Variants in MUC4 observed in about 807,000 individuals in gnomAD.
MUC4 encodes the protein mucin 4, cell surface associated.
Under a neutral mutation model 257.9 loss-of-function variants are expected in MUC4, and 202 were observed. The ratio of observed to expected loss-of-function variants is 0.78; its 90% CI spans 0.70 to 0.88. The LOEUF (loss-of-function observed/expected upper bound fraction) is 0.88. MUC4 is among the 40% of genes least tolerant of loss of function. MUC4 has a pLI of 0.00. For missense variants in MUC4, 5,976 were observed against 6,513.7 expected (o/e 0.92, Z 2.84); for synonymous variants, 2,351 against 2,757.1 (o/e 0.85, Z 4.62).
intron 7 of MUC4, among the ~76,000 whole-genome samples, chr3:195,767,850 C>T (rs1721756422): frequency 1.5e-5 from 2 of 131,374 alleles, no homozygotes; most frequent in South Asian, 2.4e-4. Flanking sequence ...ACCACCATCG[C>T]CACCATCACC....
In MUC4 at chr3:195,762,815, C is replaced by T. The variant is rs567720716; in HGVS notation, c.14344+40G>A. The T allele has an allele frequency of 5.4e-6, 8 of 1,494,982 alleles. No individual in the cohort carries two copies. In the East Asian group the frequency reaches 7.4e-5, roughly 14 times the overall value. 92.6% of individuals were successfully genotyped at this position (1,494,982 alleles called of 1,614,324 possible). A position where few individuals can be genotyped will look rare whatever the true frequency, so the allele number is the denominator to read the frequency against. On this transcript the variant is annotated intron_variant, in intron 13 of 24. Transcript: ENST00000463781. ...GCGGCTTCCCGCCCACCTCGCTGCTCCCGGTGCGGGGAGGGGGCGGCCGGC... is the reference window on the plus strand; with the variant it reads ...GCGGCTTCCCGCCCACCTCGCTGCTTCCGGTGCGGGGAGGGGGCGGCCGGC...
At position 195,759,106 on chromosome 3, in the gene MUC4, C is replaced by G. The variant is rs776916595; in HGVS notation, c.14986+18G>C. The G allele has an allele frequency of 1.9e-6, 3 of 1,613,082 alleles. No individual in the cohort carries two copies. The African/African-American group carries it at 4.0e-5, about 22-fold the overall frequency. ...CTACCCACCTCCCCACTCTCCCCAG[C>G]CAGCCAAATAGTCCTACCAAAGAGC... On this transcript the variant is annotated intron_variant, in intron 17 of 24. Transcript: ENST00000463781.
chr3:195,781,205 C>A lies in MUC4; in HGVS notation c.10375G>T (p.Val3459Phe). 7.1e-7 allele frequency: 1 copy of A among 1,409,074 alleles called. No homozygotes were observed. The highest frequency in any genetic ancestry group is 9.5e-7 in the Non-Finnish European group (1 of 1,053,650). 87.3% of individuals were successfully genotyped at this position (1,409,074 alleles called of 1,614,324 possible). A position where few individuals can be genotyped will look rare whatever the true frequency, so the allele number is the denominator to read the frequency against. The stretch of plus-strand genomic sequence containing the variant: ...GTGGATGCTGAGGAAGTGTCGGTGA[C>A]AGGAAGAGGGGTGGTGTGACCTGTA... ...ASTGHTTPLP[V>F]TDTSSASTGD... Residue 3459 changes from valine to phenylalanine, a missense_variant, in exon 2 of 25, where the codon GTC becomes TTC. This residue lies in a region of MUC4 where 297 missense variants were observed against 240.9 expected (regional missense o/e 1.23). Coordinates refer to ENST00000463781, the MANE Select transcript of MUC4 (RefSeq NM_018406.7).
In MUC4 at chr3:195,781,798, T is replaced by C. The variant is rs1560325861; in HGVS notation, c.9782A>G (p.Asp3261Gly). The C allele has an allele frequency of 1.6e-6, 1 of 609,904 alleles. No individual in the cohort carries two copies. 37.8% of individuals were successfully genotyped at this position (609,904 alleles called of 1,614,324 possible). ...VTDTSSASTG[D>G]TTSLPVTDTS... is the part of the protein sequence containing the mutation. Reference sequence around the variant, plus strand: ...GTCGGTGACAGGAAGAGAGGTGGTGTCACCTGTGGATGCTGAGGAAGTGTC... The same window carrying C: ...GTCGGTGACAGGAAGAGAGGTGGTGCCACCTGTGGATGCTGAGGAAGTGTC... The change falls in exon 2 of 25, where the codon GAC becomes GGC. Residue 3261 changes from aspartate to glycine, a missense_variant. Around this residue, in one of 44 missense-constraint regions of MUC4, gnomAD observed 51 missense variants for 66.9 expected, o/e 0.76. Transcript: ENST00000463781.
chr3:195,808,397 G>C (rs1736262373), intron 1 of MUC4, among the ~76,000 whole-genome samples: 1 of 151,790 alleles, frequency 6.6e-6, no homozygotes, highest in Non-Finnish European at 1.5e-5. Context: ...TTTATTTTTA[G>C]TGGAGACAGG....
rs759517324 is a variant in MUC4, at chr3:195,782,438, A to T, written c.9142T>A (p.Ser3048Thr). 1 of 1,457,352 alleles carries T rather than the reference A, an allele frequency of 6.9e-7. No homozygotes were observed. Among genetic ancestry groups the T allele is most frequent in the African/African-American group, 1.7e-5 (1 of 58,380 alleles). The allele number at this position is 1,457,352 out of a possible 1,614,324, so 90.3% of individuals were successfully genotyped here. A position where few individuals can be genotyped will look rare whatever the true frequency, so the allele number is the denominator to read the frequency against. ...ATPLPVTDTS[S>T]ASTGHANPLH... ...GGGTTGGCGTGACCTGTGGATGCTG[A>T]GGAAGTGTCGGTGACAGGAAGCGGG... Residue 3048 changes from serine to threonine, a missense_variant, in exon 2 of 25, where the codon TCA becomes ACA. This residue lies in a region of MUC4 where 52 missense variants were observed against 102.2 expected (regional missense o/e 0.51). Coordinates refer to ENST00000463781, the MANE Select transcript of MUC4 (RefSeq NM_018406.7).
Position 195,747,008 on chromosome 3 carries a change from C to A in MUC4, c.*168G>T. 1 of 996,250 alleles carries A rather than the reference C, an allele frequency of 1.0e-6. No homozygotes were observed. Among genetic ancestry groups the A allele is most frequent in the African/African-American group, 1.6e-5 (1 of 62,230 alleles). 61.7% of individuals were successfully genotyped at this position (996,250 alleles called of 1,614,324 possible). ...ATGGCCTCCCCCTGTGCACCTGCGC[C>A]TATGGATAAGGTATAGTCTTGTCTT... On this transcript the variant is annotated 3_prime_UTR_variant, in exon 25 of 25. Coordinates refer to ENST00000463781, the MANE Select transcript of MUC4 (RefSeq NM_018406.7).
chr3:195,765,291 G>T lies in MUC4; in HGVS notation c.13777C>A (p.Arg4593=). ...CSWQQGRRDL[R]FQPVSIGRWG... is the part of the protein sequence containing the mutation. ...TCACCTATGCTGACGGGTTGGAATC[G>T]TAAGTCCCGTCGTCCCTGCTGCCAG... Residue 4593 remains arginine, a synonymous_variant, in exon 9 of 25, where the codon CGA becomes AGA. Transcript: ENST00000463781. 6.2e-7 allele frequency: 1 copy of T among 1,613,020 alleles called. No homozygotes were observed. Among genetic ancestry groups the T allele is most frequent in the Non-Finnish European group, 8.5e-7 (1 of 1,179,570 alleles).
At position 195,789,065 on chromosome 3, in the gene MUC4, G is replaced by A; in HGVS notation, c.2515C>T (p.His839Tyr). ...RFSSNPSRDS[H>Y]TTQSTTELLS... ...AATTCGGTTGTTGACTGGGTTGTGT[G>A]ACTGTCCCTGGAGGGGTTTGATGAA... The change falls in exon 2 of 25, where the codon CAC becomes TAC. Residue 839 changes from histidine to tyrosine, a missense_variant. By Grantham distance (83) the His-to-Tyr change is moderately conservative. This residue lies in a region of MUC4 where 1,583 missense variants were observed against 1,257.4 expected (regional missense o/e 1.26). Transcript: ENST00000463781. 6.2e-7 allele frequency: 1 copy of A among 1,613,724 alleles called. No homozygotes were observed. The highest frequency in any genetic ancestry group is 8.5e-7 in the Non-Finnish European group (1 of 1,179,792).
intron 9 of MUC4, 61 bp downstream of exon 9, chr3:195,765,209 C>T (rs1456307118): frequency 2.5e-6 from 4 of 1,582,592 alleles, no homozygotes; most frequent in East Asian, 2.3e-5. Flanking sequence ...TGGGGAGAGG[C>T]TGAGGGCGTG....
At chr3:195,808,815 G>A (rs923652359) in intron 1 of MUC4, among the ~76,000 whole-genome samples, 2 of 152,162 alleles carry the variant, frequency 1.3e-5, no homozygotes, top group Non-Finnish European at 2.9e-5. Context: ...GTTTCCCAGA[G>A]GGGCAGAGGG....
rs746140987 is a variant in MUC4 at position 195,760,986 on chromosome 3, C to T, written c.14746G>A (p.Asp4916Asn). 1 of 1,614,200 alleles carries T rather than the reference C, an allele frequency of 6.2e-7. No homozygotes were observed. The highest frequency in any genetic ancestry group is 8.5e-7 in the Non-Finnish European group (1 of 1,180,032). The change falls in exon 16 of 25, where the codon GAT (aspartate) becomes AAT (asparagine). Residue 4916 changes from aspartate to asparagine, a missense_variant. This residue lies in a region of MUC4 where 996 missense variants were observed against 1,137.3 expected (regional missense o/e 0.88). Transcript: ENST00000463781. ...AGGGTGTCATAGATGCATGAGCTAT[C>T]TCCGTCACAGTTGGAGATCAAATGT... ...AEHLISNCDG[D>N]SSCIYDTLAL... is the part of the protein sequence containing the mutation.
intron 7 of MUC4, among the ~76,000 whole-genome samples, chr3:195,767,518 A>ACCACCATCG (rs1720960376): frequency 1.5e-5 from 2 of 137,144 alleles, no homozygotes; most frequent in Admixed American, 7.0e-5. Context: ...CATCACCATC[A>ACCACCATCG]CCACCACCAT....
Position 195,779,416 on chromosome 3 carries a change from G to A in MUC4, c.12164C>T (p.Ser4055Phe). The A allele has an allele frequency of 1.1e-6, 1 of 896,944 alleles. No individual in the cohort carries two copies. The highest frequency in any genetic ancestry group is 1.7e-5 in the South Asian group (1 of 60,476). The allele number at this position is 896,944 out of a possible 1,614,324, so 55.6% of individuals were successfully genotyped here. The change falls in exon 2 of 25, where the codon TCC becomes TTC. Residue 4055 changes from serine (S) to phenylalanine (F), a missense_variant. By Grantham distance (155) the Ser-to-Phe change is radical. Around this residue, in one of 44 missense-constraint regions of MUC4, gnomAD observed 293 missense variants for 294.5 expected, o/e 1.00. Transcript: ENST00000463781. ...DTTPLPVTNA[S>F]SLSTGHATPL... is the part of the protein sequence containing the mutation. The stretch of plus-strand genomic sequence containing the variant: ...GGTGGCGTGACCTGTGGATAATGAG[G>A]AAGCATTGGTGACAGGAAGAGGGGT...
At chr3:195,754,903 ATGTG>A (rs1170049211) in intron 18 of MUC4, among the ~76,000 whole-genome samples, 5 of 30,672 alleles carry the variant, frequency 1.6e-4, no homozygotes, top group East Asian at 9.2e-4. Context: ...CCATGTATGT[ATGTG>A]TGTGTCATGC....
chr3:195,808,089 C>T (rs1262652914), intron 1 of MUC4, among the ~76,000 whole-genome samples: 2 of 152,226 alleles, frequency 1.3e-5, no homozygotes, highest in Non-Finnish European at 2.9e-5. Context: ...ACAGGAAGCA[C>T]GGGGTGGCTT....
In MUC4 at chr3:195,765,413, T is replaced by C; in HGVS notation, c.13655A>G (p.Glu4552Gly). The C allele has an allele frequency of 6.2e-7, 1 of 1,613,400 alleles. No homozygotes were observed. The highest frequency in any genetic ancestry group is 1.1e-5 in the South Asian group (1 of 91,062). ...CTCGAGACGGTAGTTGGGCCTTTCT[T>C]CCCGGTGTAGCCTGTAGAACTGCAG... ...QGLQFYRLHR[E>G]ERPNYRLECL... The change falls in exon 9 of 25, where the codon GAA (glutamate) becomes GGA (glycine). Residue 4552 changes from glutamate (E) to glycine (G), a missense_variant. Coordinates refer to ENST00000463781, the MANE Select transcript of MUC4 (RefSeq NM_018406.7).
chr3:195,799,554 A>G (rs564897135), intron 1 of MUC4, among the ~76,000 whole-genome samples: 165 of 152,278 alleles, frequency 1.1e-3, no homozygotes, highest in Middle Eastern at 3.4e-3. Context: ...CACTCACCTC[A>G]GCCTCCCAAA....
chr3:195,776,354 C>T (rs1336815031), intron 3 of MUC4, among the ~76,000 whole-genome samples: 17 of 57,544 alleles, frequency 3.0e-4, no homozygotes, highest in East Asian at 1.1e-3. Context: ...ACCTTCCACA[C>T]CCATACCTTC....
Sources: gnomAD v4.1 joint callset for allele counts (sites outside exome capture counted in the v4.1 genomes callset) on GRCh38, gnomAD v4.1.1 for gene constraint, gnomAD v4.1.1 regional missense constraint, MANE v1.5 for transcripts, NCBI Gene and HGNC (gene_info 2026-07-23, HGNC 2026-07-21) for gene names.